The following FLRT2 variants were observed in gnomAD, a reference collection of about 807,000 sequenced individuals.
FLRT2 encodes the protein fibronectin leucine rich transmembrane protein 2.
In FLRT2, 15 loss-of-function variants were observed where a neutral mutation model predicts 40.0. That is an observed-to-expected ratio of 0.38 (90% CI 0.25 to 0.58). FLRT2 has a LOEUF of 0.58. FLRT2 is among the 20% of genes least tolerant of loss of function. FLRT2 has a pLI of 0.71. For synonymous variants in FLRT2, 380 were observed against 336.8 expected, an observed-to-expected ratio of 1.13 and a Z score of -1.41; for missense variants, 726 against 840.0, an observed-to-expected ratio of 0.86 and a Z score of 1.68.
chr14:85,597,204 C>A (rs1233490762), intron 1 of FLRT2, among the ~76,000 whole-genome samples: 4 of 151,740 alleles, frequency 2.6e-5, no homozygotes, highest in Non-Finnish European at 4.4e-5. Context: ...GCTCAAGGAG[C>A]TGGAAAATGA....
chr14:85,653,906 A>G lies in FLRT2; in HGVS notation c.*30409A>G, dbSNP rs1430576229. On this transcript the variant is annotated 3_prime_UTR_variant, in exon 2 of 2. Coordinates refer to ENST00000330753, the MANE Select transcript of FLRT2 (RefSeq NM_013231.6). The stretch of plus-strand genomic sequence containing the variant: ...AATTATACCTATTTTTTTAAATTGA[A>G]GTACAAAGAAACTGTAGCTATAATT... The G allele has an allele frequency of 6.6e-6, 1 of 152,222 alleles. No homozygotes were observed. The highest frequency in any genetic ancestry group is 2.4e-5 in the African/African-American group (1 of 41,472). The allele number at this position is 152,222 out of a possible 1,614,324, so 9.4% of individuals were successfully genotyped here.
rs559357385 is a variant in FLRT2 at position 85,631,330 on chromosome 14, G to A, written c.*7833G>A. ...TGCCAATTATCTGACCGCTTTGTGC[G>A]GTTAATATAACTTTAAAATACATTT... On this transcript the variant is annotated 3_prime_UTR_variant, in exon 2 of 2. Transcript: ENST00000330753. The A allele has an allele frequency of 2.6e-5, 4 of 151,768 alleles. No individual in the cohort carries two copies. The highest frequency in any genetic ancestry group is 3.9e-4 in the East Asian group (2 of 5,132). The allele number at this position is 151,768 out of a possible 1,614,324, so 9.4% of individuals were successfully genotyped here.
intron 1 of FLRT2, among the ~76,000 whole-genome samples, chr14:85,538,021 TG>T (rs1888772345): frequency 6.6e-6 from 1 of 152,190 alleles, no homozygotes; most frequent in Non-Finnish European, 1.5e-5. Flanking sequence ...GAAAAAGTTC[TG>T]TAAAACATCT....
intron 1 of FLRT2, among the ~76,000 whole-genome samples, chr14:85,580,220 G>C (rs1273756400): frequency 1.3e-5 from 2 of 152,192 alleles, no homozygotes; most frequent in African/African-American, 4.8e-5. Flanking sequence ...GTGGGTGTCT[G>C]CTGGACAGTG....
At chr14:85,569,548 G>T (rs1378722174) in intron 1 of FLRT2, among the ~76,000 whole-genome samples, 1 of 152,134 alleles carries the variant, frequency 6.6e-6, no homozygotes, top group Non-Finnish European at 1.5e-5. Context: ...AGAGACAAAG[G>T]CACCATTAGG....
chr14:85,600,557 T>C (rs1367091148), intron 1 of FLRT2, among the ~76,000 whole-genome samples: 5 of 151,970 alleles, frequency 3.3e-5, no homozygotes, highest in Non-Finnish European at 7.4e-5. Flanking sequence ...TTGGGGAAAA[T>C]AAACGTGGTC....
Position 85,645,505 on chromosome 14 carries a change from A to T in FLRT2, c.*22008A>T, listed in dbSNP as rs1409868648. 6.6e-6 allele frequency: 1 copy of T among 152,086 alleles called. No homozygotes were observed. Among genetic ancestry groups the T allele is most frequent in the Admixed American group, 6.6e-5 (1 of 15,258 alleles). The allele number at this position is 152,086 out of a possible 1,614,324, so 9.4% of individuals were successfully genotyped here. ...GAGCAGGTCTTTGAATGGTACATCT[A>T]TTTGTTCACTCTGCTTGGAAACAAA... On this transcript the variant is annotated 3_prime_UTR_variant, in exon 2 of 2. Transcript: ENST00000330753.
At position 85,637,977 on chromosome 14, in the gene FLRT2, T is replaced by A. The variant is rs1459718945; in HGVS notation, c.*14480T>A. ...CTTGAAATGCCTATCATTATCCTTA[T>A]TCTTTTGATACCAGGCATCACTACA... On this transcript the variant is annotated 3_prime_UTR_variant, in exon 2 of 2. Coordinates refer to ENST00000330753, the MANE Select transcript of FLRT2 (RefSeq NM_013231.6). 4 of 152,202 alleles carry A rather than the reference T, an allele frequency of 2.6e-5. No individual in the cohort carries two copies. Among genetic ancestry groups the A allele is most frequent in the Non-Finnish European group, 5.9e-5 (4 of 68,040 alleles). The allele number at this position is 152,202 out of a possible 1,614,324, so 9.4% of individuals were successfully genotyped here. A position where few individuals can be genotyped will look rare whatever the true frequency, so the allele number is the denominator to read the frequency against.
At chr14:85,535,917 TTTTTGTTGTTG>T (rs1373271922) in intron 1 of FLRT2, among the ~76,000 whole-genome samples, 99 of 63,058 alleles carry the variant, frequency 1.6e-3, no homozygotes, top group African/African-American at 8.8e-3. Flanking sequence ...TTTTTTTTTT[TTTTTGTTGTTG>T]TTGTTGTTGT....
Position 85,647,465 on chromosome 14 carries a change from C to T in FLRT2, c.*23968C>T, listed in dbSNP as rs1894332398. The T allele has an allele frequency of 1.3e-5, 2 of 152,100 alleles. No homozygotes were observed. Among genetic ancestry groups the T allele is most frequent in the African/African-American group, 4.8e-5 (2 of 41,422 alleles). The allele number at this position is 152,100 out of a possible 1,614,324, so 9.4% of individuals were successfully genotyped here. A position where few individuals can be genotyped will look rare whatever the true frequency, so the allele number is the denominator to read the frequency against. On this transcript the variant is annotated 3_prime_UTR_variant, in exon 2 of 2. Coordinates refer to ENST00000330753, the MANE Select transcript of FLRT2 (RefSeq NM_013231.6). ...CACTCACAATATTTAGCTCTCCTTCCACATGATGTTGGGATATGATGGCTT... is the reference window on the plus strand; with the variant it reads ...CACTCACAATATTTAGCTCTCCTTCTACATGATGTTGGGATATGATGGCTT...
At position 85,563,801 on chromosome 14, in the gene FLRT2, GACAA is replaced by G. The variant is rs1481993226; in HGVS notation, c.-377+33273_-377+33276del. The stretch of plus-strand genomic sequence containing the variant: ...TATGTAATCTTAAAATAGAAAAACA[GACAA>G]ACAAAAAAATAGATAAAGTTGACTT... On this transcript the variant is annotated intron_variant, in intron 1 of 1. Coordinates refer to ENST00000330753, the MANE Select transcript of FLRT2 (RefSeq NM_013231.6). 4.6e-5 allele frequency among the ~76,000 whole-genome samples: 7 copies of G among 152,138 alleles called. No individual in the cohort carries two copies. The East Asian group carries it at 9.7e-4, about 21-fold the overall frequency.
Position 85,607,110 on chromosome 14 carries a change from C to T in FLRT2, c.-376-14029C>T, listed in dbSNP as rs1005360460. 3.3e-5 allele frequency among the ~76,000 whole-genome samples: 5 copies of T among 151,940 alleles called. No individual in the cohort carries two copies. In the South Asian group the frequency reaches 8.3e-4, roughly 25 times the overall value. On this transcript the variant is annotated intron_variant, in intron 1 of 1. Transcript: ENST00000330753. ...CCAGTTTTTATCCCGCTGGAGAAGACGCCATATGCTCATTGGGAATGCATG... is the reference window on the plus strand; with the variant it reads ...CCAGTTTTTATCCCGCTGGAGAAGATGCCATATGCTCATTGGGAATGCATG...
chr14:85,575,063 G>T (rs112901696), intron 1 of FLRT2, among the ~76,000 whole-genome samples: 34 of 152,248 alleles, frequency 2.2e-4, no homozygotes, highest in African/African-American at 8.2e-4. Flanking sequence ...CAGCAAAAAA[G>T]GCCTGTGGCC....
Position 85,651,094 on chromosome 14 carries a change from A to T in FLRT2, c.*27597A>T, listed in dbSNP as rs1281975994. On this transcript the variant is annotated 3_prime_UTR_variant, in exon 2 of 2. Coordinates refer to ENST00000330753, the MANE Select transcript of FLRT2 (RefSeq NM_013231.6). ...CCTCAATCTTTTATATGTAATTTTAAGTTAATATTCAGCTTTAAACTTTTC... is the reference window on the plus strand; with the variant it reads ...CCTCAATCTTTTATATGTAATTTTATGTTAATATTCAGCTTTAAACTTTTC... 1 of 152,106 alleles carries T rather than the reference A, an allele frequency of 6.6e-6. No homozygotes were observed. 9.4% of individuals were successfully genotyped at this position (152,106 alleles called of 1,614,324 possible).
chr14:85,539,519 A>T (rs945265038), intron 1 of FLRT2, among the ~76,000 whole-genome samples: 44 of 152,048 alleles, frequency 2.9e-4, no homozygotes, highest in African/African-American at 1.0e-3. Flanking sequence ...TGTGGTGGGG[A>T]GTGAGAAATA....
intron 1 of FLRT2, among the ~76,000 whole-genome samples, chr14:85,548,748 GT>G (rs36038148): frequency 0.84 from 127,409 of 152,112 alleles, 55,177 homozygotes; most frequent in Non-Finnish European, 0.94. Context: ...GGTAGAAGAA[GT>G]GTGGTCCCTG....
chr14:85,573,451 G>C (rs967815785), intron 1 of FLRT2, among the ~76,000 whole-genome samples: 1 of 152,184 alleles, frequency 6.6e-6, no homozygotes, highest in African/African-American at 2.4e-5. Context: ...TGAAGAAGCA[G>C]TTTACGCCTG....
At chr14:85,578,042 C>T (rs1371494591) in intron 1 of FLRT2, among the ~76,000 whole-genome samples, 2 of 150,830 alleles carry the variant, frequency 1.3e-5, no homozygotes, top group Admixed American at 1.3e-4. Flanking sequence ...GTTGCATCCA[C>T]TGCCACCTTT....
rs1314294277 is a variant in FLRT2 at position 85,622,965 on chromosome 14, A to T, written c.1451A>T (p.Glu484Val). The T allele has an allele frequency of 6.2e-7, 1 of 1,614,044 alleles. No homozygotes were observed. The highest frequency in any genetic ancestry group is 8.5e-7 in the Non-Finnish European group (1 of 1,180,040). The change falls in exon 2 of 2, where the codon GAG becomes GTG. Residue 484 changes from glutamate (E) to valine (V), a missense_variant. Glu to Val is a moderately radical substitution (Grantham distance 121). Around this residue, in one of 3 missense-constraint regions of FLRT2, gnomAD observed 611 missense variants for 690.0 expected, o/e 0.89. Coordinates refer to ENST00000330753, the MANE Select transcript of FLRT2 (RefSeq NM_013231.6). Reference sequence around the variant, plus strand: ...CAACACCTGAGCCTGGTTAACTTAGAGCCCCGATCCACCTATCGGATTTGT... The same window carrying T: ...CAACACCTGAGCCTGGTTAACTTAGTGCCCCGATCCACCTATCGGATTTGT... The part of the protein sequence containing the change: ...EKQHLSLVNL[E>V]PRSTYRICLV...
Sources: gnomAD v4.1 joint callset for allele counts (sites outside exome capture counted in the v4.1 genomes callset) on GRCh38, gnomAD v4.1.1 for gene constraint, gnomAD v4.1.1 regional missense constraint, MANE v1.5 for transcripts, NCBI Gene and HGNC (gene_info 2026-07-23, HGNC 2026-07-21) for gene names.